KCNH1: variants seen among roughly 807,000 people sequenced by gnomAD.
KCNH1 encodes the protein voltage-gated delayed rectifier potassium channel KCNH1.
KCNH1 carries 27 observed loss-of-function variants against 69.2 expected under a neutral mutation model. That is an observed-to-expected ratio of 0.39 (90% confidence interval 0.29 to 0.54). KCNH1 has a LOEUF of 0.54. KCNH1 is among the 20% of genes least tolerant of loss of function. The pLI, the probability that KCNH1 is intolerant of heterozygous loss-of-function variation, is 0.68. For missense variants in KCNH1, 798 were observed against 1,261.6 expected (o/e 0.63, Z 5.57); for synonymous variants, 456 against 487.7 (o/e 0.93, Z 0.86).
At chr1:210,697,575 C>T (rs1358622319) in intron 10 of KCNH1, among the ~76,000 whole-genome samples, 8 of 152,260 alleles carry the variant, frequency 5.3e-5, no homozygotes, top group Admixed American at 5.2e-4. Context: ...GGCAGCAAGG[C>T]AAGTAATTTG....
chr1:211,113,965 C>CTA (rs1553381062), intron 1 of KCNH1, among the ~76,000 whole-genome samples: 6,476 of 133,100 alleles, frequency 0.049, 207 homozygotes, highest in Admixed American at 0.09. Flanking sequence ...CTCTCTCTCT[C>CTA]TCTCTCTCTC....
chr1:210,710,101 C>T (rs1682030077), intron 10 of KCNH1, among the ~76,000 whole-genome samples: 1 of 152,162 alleles, frequency 6.6e-6, no homozygotes. Context: ...ATGGTATATC[C>T]TGTTGCTCCT....
chr1:210,739,784 C>T (rs1406603084), intron 10 of KCNH1, among the ~76,000 whole-genome samples: 1 of 152,160 alleles, frequency 6.6e-6, no homozygotes. Context: ...TAGAAGTCAC[C>T]TTAACTGCAT....
intron 1 of KCNH1, chr1:211,108,505 C>T (rs570083726): frequency 9.2e-5 from 14 of 152,298 alleles, no homozygotes; most frequent in African/African-American, 2.2e-4. Context: ...GGGTAACCAT[C>T]CCTTCAGATA....
chr1:210,773,860 C>T (rs1250717466), intron 10 of KCNH1, among the ~76,000 whole-genome samples: 2 of 152,148 alleles, frequency 1.3e-5, no homozygotes, highest in East Asian at 3.8e-4. Context: ...TTTTATATGT[C>T]TAGTCTAGTT....
intron 5 of KCNH1, among the ~76,000 whole-genome samples, chr1:211,043,806 A>G (rs575960501): frequency 6.6e-6 from 1 of 152,300 alleles, no homozygotes; most frequent in East Asian, 1.9e-4. Context: ...CAATAAATGC[A>G]ATACACCACA....
At chr1:211,106,969 C>T (rs1305589570) in intron 2 of KCNH1, among the ~76,000 whole-genome samples, 2 of 152,122 alleles carry the variant, frequency 1.3e-5, no homozygotes, top group Admixed American at 1.3e-4. Context: ...ATCTAAAATG[C>T]CGTAACTTTT....
intron 10 of KCNH1, among the ~76,000 whole-genome samples, chr1:210,718,794 G>T (rs1171327610): frequency 6.6e-6 from 1 of 151,446 alleles, no homozygotes; most frequent in Admixed American, 6.6e-5. Context: ...GTCGGCACAT[G>T]TGGCCAGTGG....
At chr1:210,882,156 C>G (rs915824558) in intron 7 of KCNH1, among the ~76,000 whole-genome samples, 2 of 152,110 alleles carry the variant, frequency 1.3e-5, no homozygotes, top group African/African-American at 4.8e-5. Flanking sequence ...AATCTCTGTA[C>G]CTTCCACTCA....
Position 210,683,451 on chromosome 1 carries a change from T to C in KCNH1, c.2800A>G (p.Lys934Glu). The C allele has an allele frequency of 6.2e-7, 1 of 1,614,168 alleles. No individual in the cohort carries two copies. The highest frequency in any genetic ancestry group is 2.2e-5 in the East Asian group (1 of 44,868). Residue 934 changes from lysine to glutamate, a missense_variant, in exon 11 of 11, where the codon AAG becomes GAG. Physicochemically the swap from Lys to Glu is moderately conservative, Grantham distance 56. Around this residue, in one of 4 missense-constraint regions of KCNH1, gnomAD observed 331 missense variants for 363.2 expected, o/e 0.91. Transcript: ENST00000271751. This position sits in a 1 kb window ranked among gnomAD's most constrained non-coding sequence, Gnocchi z 5.7. The stretch of plus-strand genomic sequence containing the variant: ...GCGTTTAAGGCCTTGATGTCCTCCT[T>C]CAGCTCGTGCCTCACCTCCAGGACT... ...ATVLEVRHEL[K>E]EDIKALNAKM... is the part of the protein sequence containing the mutation.
chr1:210,976,427 G>A (rs2102372765), intron 6 of KCNH1, among the ~76,000 whole-genome samples: 1 of 148,926 alleles, frequency 6.7e-6, no homozygotes, highest in African/African-American at 2.4e-5. Context: ...CAGTTGGAAT[G>A]GCGATTATTA....
chr1:211,080,902 C>T (rs1690843882), intron 5 of KCNH1, among the ~76,000 whole-genome samples: 1 of 152,156 alleles, frequency 6.6e-6, no homozygotes, highest in South Asian at 2.1e-4. Flanking sequence ...AGGACATAGG[C>T]ATGGGCAAGG....
At chr1:211,016,096 C>T (rs1324103868) in intron 6 of KCNH1, among the ~76,000 whole-genome samples, 1 of 152,072 alleles carries the variant, frequency 6.6e-6, no homozygotes, top group Non-Finnish European at 1.5e-5. Flanking sequence ...AAATCAGAAA[C>T]CACCATCAGG....
intron 7 of KCNH1, among the ~76,000 whole-genome samples, chr1:210,812,222 G>T (rs965195271): frequency 1.3e-5 from 2 of 152,130 alleles, no homozygotes; most frequent in African/African-American, 4.8e-5. Flanking sequence ...CTGGAATAAG[G>T]ATAGGCAAAT....
chr1:211,050,048 C>A (rs1000109338), intron 5 of KCNH1, among the ~76,000 whole-genome samples: 5 of 151,958 alleles, frequency 3.3e-5, no homozygotes, highest in African/African-American at 9.7e-5. Flanking sequence ...TCCATAAATA[C>A]CACCATCACC....
intron 5 of KCNH1, among the ~76,000 whole-genome samples, chr1:211,070,430 AACACACACACAC>A (rs57063242): frequency 2.9e-5 from 4 of 137,126 alleles, no homozygotes; most frequent in Non-Finnish European, 6.2e-5. Context: ...AAAAAAAAAA[AACACACACACAC>A]ACACACACAC....
rs958273672 is a variant in KCNH1 at position 210,919,443 on chromosome 1, C to G, written c.1462+197G>C. The stretch of plus-strand genomic sequence containing the variant: ...GATAGTCTTTACTTTCTACTTTGCA[C>G]TCTTTTGTATTTTCTAAATTTTTTT... On this transcript the variant is annotated intron_variant, in intron 7 of 10. Transcript: ENST00000271751. This position sits in a 1 kb window ranked among gnomAD's most constrained non-coding sequence, Gnocchi z 4.2. 5.1e-6 allele frequency: 3 copies of G among 586,332 alleles called. No individual in the cohort carries two copies. Among genetic ancestry groups the G allele is most frequent in the African/African-American group, 1.9e-5 (1 of 53,770 alleles). The allele number at this position is 586,332 out of a possible 1,614,324, so 36.3% of individuals were successfully genotyped here. A position where few individuals can be genotyped will look rare whatever the true frequency, so the allele number is the denominator to read the frequency against.
chr1:211,031,746 T>C (rs2102423478), intron 5 of KCNH1, among the ~76,000 whole-genome samples: 1 of 152,310 alleles, frequency 6.6e-6, no homozygotes, highest in South Asian at 2.1e-4. Flanking sequence ...AATTAGCTAT[T>C]GATGGGATGT....
chr1:211,021,768 T>A (rs1347295327), intron 5 of KCNH1, among the ~76,000 whole-genome samples: 1 of 151,728 alleles, frequency 6.6e-6, no homozygotes, highest in East Asian at 1.9e-4. Context: ...TAGGAATAAA[T>A]CTAACCAAAG....
Sources: gnomAD v4.1 joint callset for allele counts (sites outside exome capture counted in the v4.1 genomes callset) on GRCh38, gnomAD v4.1.1 for gene constraint, gnomAD v4.1.1 regional missense constraint, Gnocchi (gnomAD v3.1) non-coding constraint, MANE v1.5 for transcripts, NCBI Gene and HGNC (gene_info 2026-07-23, HGNC 2026-07-21) for gene names.